The following PELI2 variants were observed in gnomAD, a reference collection of about 807,000 sequenced individuals.
The protein encoded by PELI2 is pellino E3 ubiquitin protein ligase family member 2.
A neutral mutation model predicts 42.3 loss-of-function variants in PELI2; 23 were observed. That is an observed-to-expected ratio of 0.54 (90% confidence interval 0.39 to 0.77). The LOEUF (loss-of-function observed/expected upper bound fraction) is 0.77. Ranked by LOEUF, PELI2 falls within the 30% of genes least tolerant of loss-of-function variation. The probability of loss-of-function intolerance (pLI) is 0.00; values close to 1 mark genes in which losing one functional copy is unlikely to be tolerated. For synonymous variants in PELI2, 245 were observed against 212.2 expected, an observed-to-expected ratio of 1.15 and a Z score of -1.34; for missense variants, 463 against 553.2, an observed-to-expected ratio of 0.84 and a Z score of 1.64.
At chr14:56,215,390 C>A (rs1886871005) in intron 2 of PELI2, among the ~76,000 whole-genome samples, 1 of 152,188 alleles carries the variant, frequency 6.6e-6, no homozygotes, top group Non-Finnish European at 1.5e-5. Flanking sequence ...GAGCATGCTG[C>A]TGAATGCATT....
In PELI2 at chr14:56,296,768, A is replaced by C; in HGVS notation, c.865A>C (p.Asn289His). 5 of 1,614,070 alleles carry C rather than the reference A, an allele frequency of 3.1e-6. No homozygotes were observed. The highest frequency in any genetic ancestry group is 4.2e-6 in the Non-Finnish European group (5 of 1,180,002). Residue 289 changes from asparagine (N) to histidine (H), a missense_variant, in exon 6 of 6, where the codon AAC (asparagine) becomes CAC (histidine). Asn to His is a moderately conservative substitution (Grantham distance 68, BLOSUM62 1). Transcript: ENST00000267460. ...AARPQCPVGL[N>H]TLAFPSINRK... ...CCGGCCTCAGTGTCCTGTGGGGCTC[A>C]ACACCCTGGCCTTCCCCAGCATCAA...
intron 2 of PELI2, among the ~76,000 whole-genome samples, chr14:56,267,295 A>T (rs1360129829): frequency 6.6e-6 from 1 of 152,176 alleles, no homozygotes; most frequent in Non-Finnish European, 1.5e-5. Flanking sequence ...CTTTGCAGAC[A>T]TCATCTGAGT....
At position 56,255,486 on chromosome 14, in the gene PELI2, G is replaced by T. The variant is rs149109227; in HGVS notation, c.208-24190G>T. On this transcript the variant is annotated intron_variant, in intron 2 of 5. Transcript: ENST00000267460. ...AAACATCATGCACCAGGGCCTGTCGGGGTGGGGGTCTAGGGGAGGGATGGC... is the reference window on the plus strand; with the variant it reads ...AAACATCATGCACCAGGGCCTGTCGTGGTGGGGGTCTAGGGGAGGGATGGC... 5.8e-3 allele frequency among the ~76,000 whole-genome samples: 889 copies of T among 152,212 alleles called. 10 individuals carry two copies. The highest frequency in any genetic ancestry group is 0.019 in the African/African-American group (810 of 41,540).
chr14:56,206,704 G>T (rs1052728617), intron 2 of PELI2, among the ~76,000 whole-genome samples: 2 of 151,542 alleles, frequency 1.3e-5, no homozygotes, highest in East Asian at 1.9e-4. Context: ...CTCCTTGATC[G>T]TTTTTTTTGT....
chr14:56,286,323 A>C (rs1287313713), intron 3 of PELI2, among the ~76,000 whole-genome samples: 1 of 152,236 alleles, frequency 6.6e-6, no homozygotes, highest in Admixed American at 6.5e-5. Context: ...GGGAAGTCAG[A>C]AAATAAAGTG....
Position 56,186,757 on chromosome 14 carries a change from G to A in PELI2, c.207+8293G>A, listed in dbSNP as rs138404689. On this transcript the variant is annotated intron_variant, in intron 2 of 5. Transcript: ENST00000267460. ...TAATTATCTGCATTACTGATATACA[G>A]TAATTACAATTTTGACTTGATGCAT... Among the ~76,000 whole-genome samples, 293 of 152,218 alleles carry A rather than the reference G, an allele frequency of 1.9e-3. 1 individual carries two copies. The highest frequency in any genetic ancestry group is 6.7e-3 in the African/African-American group (280 of 41,546).
chr14:56,283,118 T>C (rs879644748), intron 3 of PELI2, among the ~76,000 whole-genome samples: 13 of 152,172 alleles, frequency 8.5e-5, no homozygotes, highest in South Asian at 2.1e-4. Flanking sequence ...AGATATTCTT[T>C]AGCGACGTAC....
At position 56,300,671 on chromosome 14, in the gene PELI2, A is replaced by G. The variant is rs1360294923; in HGVS notation, c.*3505A>G. 2 of 152,186 alleles carry G rather than the reference A, an allele frequency of 1.3e-5. No homozygotes were observed. The highest frequency in any genetic ancestry group is 1.3e-4 in the Admixed American group (2 of 15,278). The allele number at this position is 152,186 out of a possible 1,614,324, so 9.4% of individuals were successfully genotyped here. ...ATTACACCATTGTTAATGCTGGGTAAAAACTATCTTCTTGCAGCCTTGCCT... is the reference window on the plus strand; with the variant it reads ...ATTACACCATTGTTAATGCTGGGTAGAAACTATCTTCTTGCAGCCTTGCCT... On this transcript the variant is annotated 3_prime_UTR_variant, in exon 6 of 6. Transcript: ENST00000267460.
intron 2 of PELI2, among the ~76,000 whole-genome samples, chr14:56,202,532 G>A (rs1439269788): frequency 2.6e-5 from 4 of 152,080 alleles, no homozygotes; most frequent in African/African-American, 7.2e-5. Flanking sequence ...GCTCACAGCC[G>A]GGGTCCTGCT....
At chr14:56,156,406 A>T (rs1433087931) in intron 1 of PELI2, among the ~76,000 whole-genome samples, 4 of 152,212 alleles carry the variant, frequency 2.6e-5, no homozygotes. Context: ...AGAGAGAGAG[A>T]GAGTTTGAGA....
chr14:56,156,211 G>A (rs1005844872), intron 1 of PELI2, among the ~76,000 whole-genome samples: 11 of 152,150 alleles, frequency 7.2e-5, no homozygotes, highest in African/African-American at 2.4e-4. Flanking sequence ...TTTATAGATT[G>A]AGTTTTTATA....
chr14:56,214,721 T>G (rs1886836161), intron 2 of PELI2, among the ~76,000 whole-genome samples: 1 of 152,114 alleles, frequency 6.6e-6, no homozygotes, highest in Non-Finnish European at 1.5e-5. Context: ...TGTATAGGTG[T>G]TTTTCATTTG....
At chr14:56,259,255 G>A (rs12885657) in intron 2 of PELI2, among the ~76,000 whole-genome samples, 24,564 of 151,998 alleles carry the variant, frequency 0.16, 2,211 homozygotes, top group South Asian at 0.35. Flanking sequence ...AACAACAGAT[G>A]GAAATTTAGA....
At chr14:56,207,857 C>T (rs891115788) in intron 2 of PELI2, among the ~76,000 whole-genome samples, 2 of 152,242 alleles carry the variant, frequency 1.3e-5, no homozygotes, top group Non-Finnish European at 2.9e-5. Flanking sequence ...TTATCTTTGG[C>T]TGTCCTAGGG....
chr14:56,140,529 C>T (rs964089613), intron 1 of PELI2, among the ~76,000 whole-genome samples: 1 of 152,118 alleles, frequency 6.6e-6, no homozygotes, highest in African/African-American at 2.4e-5. Context: ...GTTTTGAAAA[C>T]AAGTTTTTGA....
At chr14:56,181,848 G>A (rs911777672) in intron 2 of PELI2, among the ~76,000 whole-genome samples, 21 of 113,792 alleles carry the variant, frequency 1.8e-4, no homozygotes, top group African/African-American at 5.8e-4. Context: ...TAATGTGTGT[G>A]TGTGTGTGTG....
chr14:56,255,969 A>G (rs1248719799), intron 2 of PELI2, among the ~76,000 whole-genome samples: 1 of 152,166 alleles, frequency 6.6e-6, no homozygotes, highest in Non-Finnish European at 1.5e-5. Flanking sequence ...TCAACTTTAC[A>G]GGGTGCTCTT....
intron 1 of PELI2, among the ~76,000 whole-genome samples, chr14:56,167,019 G>A (rs1884990074): frequency 6.6e-6 from 1 of 152,118 alleles, no homozygotes; most frequent in African/African-American, 2.4e-5. Flanking sequence ...TTGATCTCCT[G>A]ACCTCATGAT....
chr14:56,122,462 A>T (rs1365688398), intron 1 of PELI2, among the ~76,000 whole-genome samples: 1 of 152,176 alleles, frequency 6.6e-6, no homozygotes, highest in Non-Finnish European at 1.5e-5. Context: ...AGTTCCTCAA[A>T]GCATCCTTTC....
Sources: allele counts gnomAD v4.1 joint callset (sites outside exome capture counted in the v4.1 genomes callset), GRCh38; gene constraint gnomAD v4.1.1; transcripts MANE v1.5; gene names NCBI Gene and HGNC (gene_info 2026-07-23, HGNC 2026-07-21).